The following GRIK2 variants were observed in gnomAD, a reference collection of about 807,000 sequenced individuals.
GRIK2 encodes glutamate ionotropic receptor kainate type subunit 2, also known as glutamate receptor ionotropic, kainate 2.
Under a neutral mutation model 100.3 loss-of-function variants are expected in GRIK2, and 32 were observed. That is an observed-to-expected ratio of 0.32 (90% CI 0.24 to 0.43). The LOEUF is 0.43. Among genes scored for constraint, GRIK2 ranks in the 20% least tolerant of loss-of-function variants. GRIK2 has a pLI of 1.00. For missense variants in GRIK2, 843 were observed against 1,114.9 expected, an observed-to-expected ratio of 0.76 and a Z score of 3.47; for synonymous variants, 417 against 389.4, an observed-to-expected ratio of 1.07 and a Z score of -0.83.
chr6:101,981,038 T>A (rs578094453), intron 14 of GRIK2, among the ~76,000 whole-genome samples: 1 of 151,804 alleles, frequency 6.6e-6, no homozygotes, highest in South Asian at 2.1e-4. Context: ...TAATCTGTTA[T>A]GTGAAACAGT....
intron 14 of GRIK2, among the ~76,000 whole-genome samples, chr6:101,943,145 A>C (rs1791062483): frequency 6.6e-6 from 1 of 152,136 alleles, no homozygotes; most frequent in African/African-American, 2.4e-5. Context: ...GGTACAGCTC[A>C]GGCCATTGTT....
At chr6:102,006,089 T>G (rs970057401) in intron 14 of GRIK2, among the ~76,000 whole-genome samples, 3 of 151,992 alleles carry the variant, frequency 2.0e-5, no homozygotes, top group African/African-American at 7.2e-5. Context: ...TTCTCAGGTA[T>G]TGAGGGTTAG....
intron 7 of GRIK2, among the ~76,000 whole-genome samples, chr6:101,700,199 T>A (rs931577427): frequency 3.9e-5 from 6 of 151,932 alleles, no homozygotes; most frequent in South Asian, 2.1e-4. Flanking sequence ...AATTTGATAT[T>A]TCTATCTTTT....
intron 16 of GRIK2, among the ~76,000 whole-genome samples, chr6:102,055,910 A>T (rs1276609612): frequency 6.6e-6 from 1 of 151,844 alleles, no homozygotes; most frequent in Non-Finnish European, 1.5e-5. Context: ...AGATACAGTT[A>T]ATTAAGTGAG....
At chr6:101,586,672 G>A (rs972286264) in intron 2 of GRIK2, among the ~76,000 whole-genome samples, 7 of 151,322 alleles carry the variant, frequency 4.6e-5, no homozygotes, top group Non-Finnish European at 8.8e-5. Context: ...AGTTTGAGAC[G>A]AGCCTGGCCA....
intron 5 of GRIK2, among the ~76,000 whole-genome samples, chr6:101,680,750 T>A: frequency 6.6e-6 from 1 of 152,188 alleles, no homozygotes; most frequent in East Asian, 1.9e-4. Context: ...TAGGGAGCCA[T>A]CTGAACATAT....
chr6:101,696,314 G>A (rs892258588), intron 7 of GRIK2, among the ~76,000 whole-genome samples: 7 of 151,412 alleles, frequency 4.6e-5, no homozygotes, highest in Admixed American at 2.0e-4. Context: ...TATATATAAT[G>A]CACAATAATC....
At chr6:101,916,673 A>G (rs1051096026) in intron 12 of GRIK2, among the ~76,000 whole-genome samples, 2 of 151,632 alleles carry the variant, frequency 1.3e-5, no homozygotes, top group African/African-American at 2.4e-5. Flanking sequence ...CACTTCAGAG[A>G]TACCTGATTT....
intron 14 of GRIK2, among the ~76,000 whole-genome samples, chr6:101,946,117 A>T (rs944975793): frequency 2.0e-5 from 3 of 152,094 alleles, no homozygotes; most frequent in African/African-American, 7.2e-5. Context: ...CCAAAACATA[A>T]TTTGTATAAC....
intron 14 of GRIK2, among the ~76,000 whole-genome samples, chr6:101,997,087 T>C (rs1190027293): frequency 6.6e-6 from 1 of 152,112 alleles, no homozygotes; most frequent in Non-Finnish European, 1.5e-5. Context: ...TTCTATCTTT[T>C]TTCTCTGTAA....
intron 12 of GRIK2, among the ~76,000 whole-genome samples, chr6:101,910,839 C>CACACACACACACACACACACA: frequency 7.0e-6 from 1 of 143,368 alleles, no homozygotes; most frequent in African/African-American, 2.6e-5. Flanking sequence ...CCAACATACA[C>CACACACACACACACACACACA]CACACACACA....
At chr6:101,832,027 C>T (rs976311292) in intron 10 of GRIK2, among the ~76,000 whole-genome samples, 46 of 151,850 alleles carry the variant, frequency 3.0e-4, no homozygotes, top group Admixed American at 2.6e-3. Flanking sequence ...AAGAAGTTAT[C>T]AGTCTTTATA....
At chr6:101,656,366 TC>T (rs1769177192) in intron 4 of GRIK2, among the ~76,000 whole-genome samples, 1 of 151,472 alleles carries the variant, frequency 6.6e-6, no homozygotes, top group South Asian at 2.1e-4. Flanking sequence ...AGAAAAATAT[TC>T]AAGACAATAG....
chr6:101,675,448 C>T lies in GRIK2; in HGVS notation c.542-1175C>T, dbSNP rs963247087. On this transcript the variant is annotated intron_variant, in intron 4 of 16. Coordinates refer to ENST00000369134, the MANE Select transcript of GRIK2 (RefSeq NM_021956.5). ...TTTTCAGGGAAAATAGAAATAGATACTAGTATAGAGATGAGATTTTTAAAA... is the reference window on the plus strand; with the variant it reads ...TTTTCAGGGAAAATAGAAATAGATATTAGTATAGAGATGAGATTTTTAAAA... Among the ~76,000 whole-genome samples the T allele has an allele frequency of 2.0e-5, 3 of 151,850 alleles. No individual in the cohort carries two copies. The South Asian group carries it at 6.2e-4, about 32-fold the overall frequency.
At chr6:101,776,582 A>G (rs1311024613) in intron 7 of GRIK2, among the ~76,000 whole-genome samples, 1 of 152,204 alleles carries the variant, frequency 6.6e-6, no homozygotes, top group Admixed American at 6.5e-5. Flanking sequence ...AATAATAGTC[A>G]TACTTGTCCA....
chr6:101,786,642 A>G, intron 7 of GRIK2, among the ~76,000 whole-genome samples: 1 of 152,092 alleles, frequency 6.6e-6, no homozygotes, highest in East Asian at 1.9e-4. Flanking sequence ...AATAAATTCC[A>G]CTTGATCATG....
intron 14 of GRIK2, among the ~76,000 whole-genome samples, chr6:102,014,589 ATGTGTCCCAGAAATTC>A (rs1329330684): frequency 6.6e-6 from 1 of 151,956 alleles, no homozygotes; most frequent in Non-Finnish European, 1.5e-5. Context: ...AGTGCTATAA[ATGTGTCCCAGAAATTC>A]TGTGTCCCAG....
At chr6:101,964,026 T>C (rs570009284) in intron 14 of GRIK2, among the ~76,000 whole-genome samples, 12 of 151,490 alleles carry the variant, frequency 7.9e-5, no homozygotes, top group Non-Finnish European at 1.5e-4. Context: ...TCAAATTACA[T>C]AGATGCTTGC....
At chr6:101,427,698 A>T (rs1245330335) in intron 2 of GRIK2, among the ~76,000 whole-genome samples, 1 of 152,208 alleles carries the variant, frequency 6.6e-6, no homozygotes, top group African/African-American at 2.4e-5. Flanking sequence ...TGTGCATGAA[A>T]ATATAAAATT....
Sources: gnomAD v4.1 joint callset for allele counts (sites outside exome capture counted in the v4.1 genomes callset) on GRCh38, gnomAD v4.1.1 for gene constraint, MANE v1.5 for transcripts, NCBI Gene and HGNC (gene_info 2026-07-23, HGNC 2026-07-21) for gene names.